FAT3: variants seen among roughly 807,000 people sequenced by gnomAD.
The protein encoded by FAT3 is protocadherin Fat 3.
A neutral mutation model predicts 310.2 loss-of-function variants in FAT3; 95 were observed. The ratio of observed to expected loss-of-function variants is 0.31; its 90% CI spans 0.26 to 0.36. FAT3 has a LOEUF of 0.36. FAT3 is among the 10% of genes least tolerant of loss of function. The pLI is 1.00. For missense variants in FAT3, 5,408 were observed against 5,715.6 expected, an observed-to-expected ratio of 0.95 and a Z score of 1.74; for synonymous variants, 2,314 against 2,192.9, an observed-to-expected ratio of 1.06 and a Z score of -1.54.
intron 2 of FAT3, among the ~76,000 whole-genome samples, chr11:92,379,215 A>G (rs2134753854): frequency 6.6e-6 from 1 of 152,302 alleles, no homozygotes; most frequent in East Asian, 1.9e-4. Context: ...GCTTTATAAT[A>G]AGTGAGTTAT....
intron 2 of FAT3, among the ~76,000 whole-genome samples, chr11:92,424,866 G>C (rs968306156): frequency 6.6e-6 from 1 of 152,104 alleles, no homozygotes; most frequent in Non-Finnish European, 1.5e-5. Context: ...TGATGACTAT[G>C]ATCAGATTGT....
chr11:92,273,086 C>A (rs1591037601), intron 1 of FAT3, among the ~76,000 whole-genome samples: 1 of 152,082 alleles, frequency 6.6e-6, no homozygotes. Flanking sequence ...ATAAATCAAT[C>A]CTCTATTTTA....
chr11:92,719,768 GTGTA>G (rs1301462951), intron 4 of FAT3, among the ~76,000 whole-genome samples: 5 of 138,196 alleles, frequency 3.6e-5, no homozygotes, highest in East Asian at 4.3e-4. Context: ...GTGTGTGTGT[GTGTA>G]TAATTTTCTG....
intron 12 of FAT3, among the ~76,000 whole-genome samples, chr11:92,807,282 AT>A (rs1296971947): frequency 2.0e-5 from 3 of 152,022 alleles, no homozygotes; most frequent in Non-Finnish European, 1.5e-5. Flanking sequence ...GGCCTTCCAA[AT>A]TTTTTTTAAT....
At chr11:92,807,641 A>G (rs939153023) in intron 12 of FAT3, among the ~76,000 whole-genome samples, 7 of 152,200 alleles carry the variant, frequency 4.6e-5, no homozygotes, top group African/African-American at 1.7e-4. Flanking sequence ...TCACTTTGAA[A>G]TGGCTTTAGG....
intron 1 of FAT3, among the ~76,000 whole-genome samples, chr11:92,299,122 G>T (rs1211543371): frequency 6.6e-6 from 1 of 152,064 alleles, no homozygotes; most frequent in Non-Finnish European, 1.5e-5. Context: ...GGTCTGGAAA[G>T]GAAGAAGAGA....
At chr11:92,617,021 C>T (rs1940844025) in intron 3 of FAT3, among the ~76,000 whole-genome samples, 1 of 152,132 alleles carries the variant, frequency 6.6e-6, no homozygotes, top group South Asian at 2.1e-4. Flanking sequence ...TGAATGTTGG[C>T]CTGCCTTGCT....
intron 2 of FAT3, among the ~76,000 whole-genome samples, chr11:92,380,043 G>A (rs1434930227): frequency 1.3e-5 from 2 of 151,418 alleles, no homozygotes; most frequent in East Asian, 3.9e-4. Flanking sequence ...TGATGTCGTT[G>A]AGTCAGAATG....
At chr11:92,231,202 TC>T (rs1189818037) in intron 1 of FAT3, among the ~76,000 whole-genome samples, 1 of 152,172 alleles carries the variant, frequency 6.6e-6, no homozygotes, top group Non-Finnish European at 1.5e-5. Context: ...TCCTCTGTTT[TC>T]CTATGTTTGA....
chr11:92,477,713 C>A (rs2135177544), intron 2 of FAT3, among the ~76,000 whole-genome samples: 1 of 152,278 alleles, frequency 6.6e-6, no homozygotes, highest in African/African-American at 2.4e-5. Flanking sequence ...CAGCTGGTAC[C>A]TGACCCTAGA....
rs1467357873 is a variant in FAT3 at position 92,867,098 on chromosome 11, G to A, written c.12016G>A (p.Ala4006Thr). ...GCTGCAGAACAAGCGCAGCAGCTTC[G>A]CGGAGGTGGTGGGCCTGACGGAGCT... ...LPLQNKRSSFAEVVGLTELKL... is the reference protein window; with the variant it reads ...LPLQNKRSSFTEVVGLTELKL... The change falls in exon 22 of 28, where the codon GCG becomes ACG. Residue 4006 changes from alanine to threonine, a missense_variant. Physicochemically the swap from Ala to Thr is moderately conservative, Grantham distance 58 (BLOSUM62 0). Around this residue, in one of 5 missense-constraint regions of FAT3, gnomAD observed 4,588 missense variants for 4,809.8 expected, o/e 0.95. Coordinates refer to ENST00000525166, the MANE Select transcript of FAT3 (RefSeq NM_001367949.2). 6.3e-7 allele frequency: 1 copy of A among 1,599,946 alleles called. No individual in the cohort carries two copies. The highest frequency in any genetic ancestry group is 1.1e-5 in the South Asian group (1 of 88,644).
At chr11:92,447,988 A>T (rs980569341) in intron 2 of FAT3, among the ~76,000 whole-genome samples, 7 of 152,078 alleles carry the variant, frequency 4.6e-5, no homozygotes, top group African/African-American at 1.7e-4. Context: ...TTGGGAGAGA[A>T]CCTGGGAAAG....
At chr11:92,256,340 A>G (rs753706044) in intron 1 of FAT3, among the ~76,000 whole-genome samples, 1 of 152,058 alleles carries the variant, frequency 6.6e-6, no homozygotes, top group Non-Finnish European at 1.5e-5. Context: ...AACAGAGGGA[A>G]TGCTTTAAAT....
intron 2 of FAT3, among the ~76,000 whole-genome samples, chr11:92,465,467 G>A (rs576420224): frequency 6.6e-6 from 1 of 152,250 alleles, no homozygotes; most frequent in South Asian, 2.1e-4. Flanking sequence ...TCCAGCACCT[G>A]TTGTTTCCTG....
At chr11:92,850,931 C>T (rs369684800) in intron 19 of FAT3, among the ~76,000 whole-genome samples, 1 of 152,240 alleles carries the variant, frequency 6.6e-6, no homozygotes, top group East Asian at 1.9e-4. Context: ...CTGTTGTCAC[C>T]TCTACAGAAA....
rs750418626 is a variant in FAT3 at position 92,353,297 on chromosome 11, T to G, written c.1185T>G (p.Val395=). Residue 395 remains valine, a synonymous_variant, in exon 2 of 28, where the codon GTT becomes GTG. Coordinates refer to ENST00000525166, the MANE Select transcript of FAT3 (RefSeq NM_001367949.2). ...AATTTTCCCCTCCTGGTGTCGTGGTTGCTATAGTAAAATTAAGTCCTGAAC... is the reference window on the plus strand; with the variant it reads ...AATTTTCCCCTCCTGGTGTCGTGGTGGCTATAGTAAAATTAAGTCCTGAAC... ...ISEFSPPGVV[V]AIVKLSPEPI... The G allele has an allele frequency of 4.3e-6, 7 of 1,613,582 alleles. No homozygotes were observed. In the Admixed American group the frequency reaches 1.2e-4, roughly 27 times the overall value.
rs1565690766 is a variant in FAT3, at chr11:92,895,531, TAG to T, written c.*4421_*4422del. ...GTGTTTAGAATGCACTTGAGAATCG[TAG>T]AGTCATTTGGAGCGTGTTTGGACCA... On this transcript the variant is annotated 3_prime_UTR_variant, in exon 28 of 28. Coordinates refer to ENST00000525166, the MANE Select transcript of FAT3 (RefSeq NM_001367949.2). 1 of 152,206 alleles carries T rather than the reference TAG, an allele frequency of 6.6e-6. No homozygotes were observed. Among genetic ancestry groups the T allele is most frequent in the Non-Finnish European group, 1.5e-5 (1 of 68,046 alleles). The allele number at this position is 152,206 out of a possible 1,614,324, so 9.4% of individuals were successfully genotyped here.
At chr11:92,736,908 T>C (rs191899988) in intron 4 of FAT3, among the ~76,000 whole-genome samples, 2 of 152,266 alleles carry the variant, frequency 1.3e-5, no homozygotes, top group Admixed American at 1.3e-4. Flanking sequence ...ATCTCACTGA[T>C]GTCTTTAGAA....
chr11:92,848,061 C>T (rs1948732885), intron 19 of FAT3, among the ~76,000 whole-genome samples: 2 of 152,080 alleles, frequency 1.3e-5, no homozygotes, highest in Non-Finnish European at 2.9e-5. Flanking sequence ...GAATAATTAG[C>T]ATGATAAATA....
Sources: gnomAD v4.1 joint callset for allele counts (sites outside exome capture counted in the v4.1 genomes callset) on GRCh38, gnomAD v4.1.1 for gene constraint, gnomAD v4.1.1 regional missense constraint, MANE v1.5 for transcripts, NCBI Gene and HGNC (gene_info 2026-07-23, HGNC 2026-07-21) for gene names.